Variants in CLVS1 observed in about 807,000 individuals in gnomAD.
The protein encoded by CLVS1 is clavesin-1.
A neutral mutation model predicts 33.1 loss-of-function variants in CLVS1; 10 were observed. The ratio of observed to expected loss-of-function variants is 0.30; its 90% CI spans 0.19 to 0.51. The LOEUF (loss-of-function observed/expected upper bound fraction) is 0.51. Among genes scored for constraint, CLVS1 ranks in the 20% least tolerant of loss-of-function variants. The pLI is 0.97. For missense variants in CLVS1, 343 were observed against 433.4 expected (o/e 0.79, Z 1.85); for synonymous variants, 163 against 166.1 (o/e 0.98, Z 0.14).
chr8:61,257,270 C>T lies in CLVS1; in HGVS notation c.-151-42407C>T, dbSNP rs559267753. 2.1e-4 allele frequency among the ~76,000 whole-genome samples: 32 copies of T among 152,338 alleles called. 1 individual carries two copies. Among genetic ancestry groups the T allele is most frequent in the Non-Finnish European group, 1.3e-4 (9 of 68,034 alleles). On this transcript the variant is annotated intron_variant, in intron 2 of 2. Coordinates refer to the CLVS1 transcript ENST00000522621. ...CCAAATACTGATAAAATCCCTTTTG[C>T]TGTTCTGTCACCCATTAAACTGATG...
chr8:61,244,373 A>G lies in CLVS1; in HGVS notation c.-151-55304A>G, dbSNP rs952223268. Among the ~76,000 whole-genome samples, 3 of 152,160 alleles carry G rather than the reference A, an allele frequency of 2.0e-5. No individual in the cohort carries two copies. The East Asian group carries it at 5.8e-4, about 29-fold the overall frequency. On this transcript the variant is annotated intron_variant, in intron 2 of 2. Coordinates refer to the CLVS1 transcript ENST00000522621. Reference sequence around the variant, plus strand: ...ATACTCTCCATAAAAAAATTATTAGAAAGTTGTCTTGTTTTATGGCCAAAT... The same window carrying G: ...ATACTCTCCATAAAAAAATTATTAGGAAGTTGTCTTGTTTTATGGCCAAAT...
chr8:61,411,866 C>T (rs1383259478), intron 3 of CLVS1, among the ~76,000 whole-genome samples: 1 of 152,110 alleles, frequency 6.6e-6, no homozygotes, highest in African/African-American at 2.4e-5. Flanking sequence ...AGATGCAAAT[C>T]CAGCACCCAC....
At chr8:61,079,153 T>A (rs1804977261) in intron 1 of CLVS1, among the ~76,000 whole-genome samples, 2 of 152,198 alleles carry the variant, frequency 1.3e-5, no homozygotes, top group Admixed American at 1.3e-4. Flanking sequence ...AGACATCAGC[T>A]TTATACTTCT....
intron 5 of CLVS1, among the ~76,000 whole-genome samples, chr8:61,478,389 G>T (rs543905993): frequency 2.5e-4 from 38 of 152,244 alleles, no homozygotes; most frequent in African/African-American, 8.7e-4. Context: ...TTTCTGTCTT[G>T]ATGATCTGTC....
At chr8:61,307,600 CA>C (rs1174514673) in intron 2 of CLVS1, among the ~76,000 whole-genome samples, 2 of 151,914 alleles carry the variant, frequency 1.3e-5, no homozygotes, top group African/African-American at 4.8e-5. Context: ...ACCCACAATG[CA>C]AAAAAATTCT....
chr8:61,301,339 A>G (rs1011137000), intron 2 of CLVS1, among the ~76,000 whole-genome samples: 2 of 152,120 alleles, frequency 1.3e-5, no homozygotes, highest in African/African-American at 4.8e-5. Context: ...CAAAGGAGAG[A>G]CAGCCATCCC....
chr8:61,290,680 A>G (rs903169796), intron 1 of CLVS1, among the ~76,000 whole-genome samples: 2 of 152,216 alleles, frequency 1.3e-5, no homozygotes, highest in African/African-American at 4.8e-5. Flanking sequence ...ATCCTTAGTA[A>G]ATGGATCCAG....
intron 1 of CLVS1, 58 bp downstream of exon 1, chr8:61,288,196 G>T (rs575449347): frequency 2.2e-6 from 1 of 456,096 alleles, no homozygotes; most frequent in South Asian, 1.5e-5. Flanking sequence ...CCTTTCCCCC[G>T]CTCTTTCGAT....
At chr8:61,229,285 A>G (rs924232732) in intron 2 of CLVS1, among the ~76,000 whole-genome samples, 1 of 152,180 alleles carries the variant, frequency 6.6e-6, no homozygotes, top group Non-Finnish European at 1.5e-5. Flanking sequence ...AGAAATAGAG[A>G]ACAAAACAGT....
At chr8:61,220,988 C>T (rs1167332413) in intron 2 of CLVS1, among the ~76,000 whole-genome samples, 1 of 152,076 alleles carries the variant, frequency 6.6e-6, no homozygotes, top group Non-Finnish European at 1.5e-5. Context: ...CTCTGCTTGC[C>T]TATTATTGGT....
intron 5 of CLVS1, among the ~76,000 whole-genome samples, chr8:61,481,386 G>A (rs957060609): frequency 6.7e-6 from 1 of 148,400 alleles, no homozygotes; most frequent in Non-Finnish European, 1.5e-5. Context: ...GCAGCCCACA[G>A]AATAGAGTGG....
intron 3 of CLVS1, among the ~76,000 whole-genome samples, chr8:61,386,116 A>C (rs1354295034): frequency 6.6e-6 from 1 of 152,198 alleles, no homozygotes; most frequent in East Asian, 1.9e-4. Flanking sequence ...ATGAGCAAGA[A>C]CTGAGGGGAT....
At chr8:61,064,415 G>A (rs1197071562) in intron 1 of CLVS1, among the ~76,000 whole-genome samples, 1 of 152,146 alleles carries the variant, frequency 6.6e-6, no homozygotes, top group Non-Finnish European at 1.5e-5. Flanking sequence ...GTGTGATGTA[G>A]CATTTCATTG....
intron 5 of CLVS1, among the ~76,000 whole-genome samples, chr8:61,489,669 A>G (rs532925285): frequency 9.2e-5 from 14 of 152,356 alleles, no homozygotes; most frequent in African/African-American, 3.4e-4. Context: ...ATGATGATGA[A>G]GAACAGCTGT....
intron 5 of CLVS1, among the ~76,000 whole-genome samples, chr8:61,468,730 A>AG: frequency 1.3e-5 from 2 of 149,878 alleles, no homozygotes; most frequent in African/African-American, 5.0e-5. Context: ...AAAAAAAAAA[A>AG]AAAAAAAAAG....
chr8:61,206,617 C>G (rs1204895243), intron 2 of CLVS1, among the ~76,000 whole-genome samples: 1 of 140,710 alleles, frequency 7.1e-6, no homozygotes, highest in Non-Finnish European at 1.5e-5. Flanking sequence ...GAGATGGAGT[C>G]TCGCTCTGTT....
intron 3 of CLVS1, among the ~76,000 whole-genome samples, chr8:61,420,137 A>G (rs1815597619): frequency 6.6e-6 from 1 of 152,172 alleles, no homozygotes; most frequent in South Asian, 2.1e-4. Context: ...CTGACTCCAA[A>G]GTTTGTAGGT....
chr8:60,966,825 T>G, the CLVS1 span, among the ~76,000 whole-genome samples: 2 of 152,224 alleles, frequency 1.3e-5, no homozygotes, highest in Non-Finnish European at 2.9e-5. Context: ...ATTTTTACGT[T>G]TCCAGGCACA....
chr8:61,283,382 A>C (rs1380393829), upstream of CLVS1, among the ~76,000 whole-genome samples: 1 of 152,228 alleles, frequency 6.6e-6, no homozygotes, highest in Non-Finnish European at 1.5e-5. Context: ...ATGCAGCATT[A>C]GATCTTTGCT....
Sources: allele counts gnomAD v4.1 joint callset (sites outside exome capture counted in the v4.1 genomes callset), GRCh38; gene constraint gnomAD v4.1.1; transcripts MANE v1.5; gene names NCBI Gene and HGNC (gene_info 2026-07-23, HGNC 2026-07-21).